XPO5: variants seen among roughly 807,000 people sequenced by gnomAD.
The protein encoded by XPO5 is exportin-5.
In XPO5, 46 loss-of-function variants were observed where a neutral mutation model predicts 160.6. That is an observed-to-expected ratio of 0.29 (90% CI 0.23 to 0.37). The LOEUF (loss-of-function observed/expected upper bound fraction) is 0.37. Ranked by LOEUF, XPO5 falls within the 10% of genes least tolerant of loss-of-function variation. The pLI, the probability that XPO5 is intolerant of heterozygous loss-of-function variation, is 1.00. For synonymous variants in XPO5, 537 were observed against 519.3 expected (o/e 1.03, Z -0.46); for missense variants, 1,090 against 1,463.9 (o/e 0.74, Z 4.17).
chr6:43,548,781 AGAG>A (rs1452680325), intron 17 of XPO5, among the ~76,000 whole-genome samples: 1 of 151,494 alleles, frequency 6.6e-6, no homozygotes, highest in Non-Finnish European at 1.5e-5. Context: ...CTGTGCATTC[AGAG>A]AAGAAATTTC....
intron 7 of XPO5, among the ~76,000 whole-genome samples, chr6:43,565,987 T>C (rs1177498638): frequency 6.6e-6 from 1 of 152,098 alleles, no homozygotes; most frequent in Non-Finnish European, 1.5e-5. Context: ...CCGAGTGCGG[T>C]GGCTCATGCC....
intron 29 of XPO5, 47 bp downstream of exon 29, chr6:43,525,060 A>T (rs749787242): frequency 6.3e-7 from 1 of 1,575,166 alleles, no homozygotes; most frequent in South Asian, 1.2e-5. Context: ...AGTCTGCATG[A>T]CCCAAACCTT....
intron 8 of XPO5, among the ~76,000 whole-genome samples, chr6:43,564,164 C>T (rs1450621512): frequency 6.6e-6 from 1 of 152,106 alleles, no homozygotes; most frequent in African/African-American, 2.4e-5. Context: ...TCAGGTGGTC[C>T]ATCTGCCTTG....
Position 43,528,860 on chromosome 6 carries a change from TGGG to T in XPO5, c.2740_2742del (p.Pro914del), listed in dbSNP as rs1793766532. ...AGGTAGGTGAAAAGAGGTCCGAGGA[TGGG>T]GGATACCAGGGCTTCATAGTGCTCT... On this transcript the variant is annotated inframe_deletion, in exon 24 of 32. Coordinates refer to ENST00000265351, the MANE Select transcript of XPO5 (RefSeq NM_020750.3). 6.2e-7 allele frequency: 1 copy of T among 1,613,724 alleles called. No individual in the cohort carries two copies. Among genetic ancestry groups the T allele is most frequent in the Admixed American group, 1.7e-5 (1 of 59,966 alleles).
chr6:43,555,222 G>C (rs567620949), intron 13 of XPO5: 1 of 152,270 alleles, frequency 6.6e-6, no homozygotes, highest in Non-Finnish European at 1.5e-5. Flanking sequence ...GATTACAAGC[G>C]TGAGTCACTG....
Position 43,547,628 on chromosome 6 carries a change from A to G in XPO5, c.2140T>C (p.Cys714Arg). ...KSCDPGLEDP[C>R]GLNRARMSFC... is the part of the protein sequence containing the mutation. ...CTTACTCGTGCACGGTTTAAGCCAC[A>G]CGGATCCTCCAGGCCTGGGTCACAG... Residue 714 changes from cysteine to arginine, a missense_variant, in exon 19 of 32, where the codon TGT (cysteine) becomes CGT (arginine). Cys to Arg is a radical substitution (Grantham distance 180, BLOSUM62 -3). Around this residue, in one of 3 missense-constraint regions of XPO5, gnomAD observed 810 missense variants for 1,139.0 expected, o/e 0.71. Transcript: ENST00000265351. 6.2e-7 allele frequency: 1 copy of G among 1,614,032 alleles called. No individual in the cohort carries two copies. The highest frequency in any genetic ancestry group is 8.5e-7 in the Non-Finnish European group (1 of 1,179,888).
intron 8 of XPO5, 43 bp from the exon 9 acceptor site, chr6:43,562,389 G>A: frequency 7.1e-7 from 1 of 1,418,260 alleles, no homozygotes; most frequent in Non-Finnish European, 9.8e-7. Context: ...AAATTAAAAA[G>A]GCTGTAATAA....
Position 43,549,874 on chromosome 6 carries a change from G to T in XPO5, c.1770+19C>A, listed in dbSNP as rs1561876596. The T allele has an allele frequency of 6.2e-7, 1 of 1,602,648 alleles. No homozygotes were observed. Among genetic ancestry groups the T allele is most frequent in the East Asian group, 2.2e-5 (1 of 44,778 alleles). ...GTACTCAAGAAGTTAGAATCTATTGGTTTAATTAATGGTCTTACCTTACTT... is the reference window on the plus strand; with the variant it reads ...GTACTCAAGAAGTTAGAATCTATTGTTTTAATTAATGGTCTTACCTTACTT... On this transcript the variant is annotated intron_variant, in intron 16 of 31. Coordinates refer to ENST00000265351, the MANE Select transcript of XPO5 (RefSeq NM_020750.3).
intron 13 of XPO5, chr6:43,553,772 T>A: frequency 2.5e-6 from 1 of 397,148 alleles, no homozygotes; most frequent in Non-Finnish European, 3.9e-6. Context: ...AGCCTTGTAG[T>A]AAAACCATTT....
At chr6:43,541,494 G>GA in intron 20 of XPO5, among the ~76,000 whole-genome samples, 1 of 152,154 alleles carries the variant, frequency 6.6e-6, no homozygotes, top group South Asian at 2.1e-4. Context: ...TACTTTCAAA[G>GA]GGTTGCATAA....
chr6:43,525,315 C>T, intron 28 of XPO5, 101 bp from the exon 29 acceptor site: 1 of 1,128,306 alleles, frequency 8.9e-7, no homozygotes, highest in Non-Finnish European at 1.2e-6. Flanking sequence ...TTTTTCCTCC[C>T]CCCCTCTAAA....
intron 26 of XPO5, 60 bp from the exon 27 acceptor site, chr6:43,526,807 C>T: frequency 1.3e-6 from 2 of 1,563,648 alleles, no homozygotes; most frequent in African/African-American, 1.4e-5. Context: ...ACAACAGCCA[C>T]CTCAGGCCCA....
chr6:43,548,553 C>T (rs1168457058), intron 17 of XPO5, 93 bp from the exon 18 acceptor site: 35 of 1,190,622 alleles, frequency 2.9e-5, no homozygotes, highest in Non-Finnish European at 3.7e-5. Context: ...AAAACCAAAG[C>T]AGTCCCAGGA....
rs753278014 is a variant in XPO5, at chr6:43,555,948, T to C, written c.1329A>G (p.Gln443=). Residue 443 remains glutamine, a synonymous_variant, in exon 13 of 32, where the codon CAA becomes CAG. Coordinates refer to ENST00000265351, the MANE Select transcript of XPO5 (RefSeq NM_020750.3). ...NAFFNSSRAQ[Q]GEVMRLACRL... ...GACATGCCAACCTCATCACCTCTCC[T>C]TGTTGTGCTCGGGAGGCTGCCAAGA... 1.9e-6 allele frequency: 3 copies of C among 1,613,856 alleles called. No individual in the cohort carries two copies. Among genetic ancestry groups the C allele is most frequent in the Non-Finnish European group, 2.5e-6 (3 of 1,179,824 alleles).
chr6:43,548,547 C>A, intron 17 of XPO5, 87 bp from the exon 18 acceptor site: 2 of 1,209,094 alleles, frequency 1.7e-6, no homozygotes, highest in South Asian at 2.0e-5. Context: ...AAGAAGAAAA[C>A]CAAAGCAGTC....
intron 9 of XPO5, 27 bp from the exon 10 acceptor site, chr6:43,561,034 G>C (rs80346004): frequency 6.4e-7 from 1 of 1,562,766 alleles, no homozygotes; most frequent in Non-Finnish European, 8.8e-7. Flanking sequence ...CTATATTAAC[G>C]GTGTTGATCG....
At chr6:43,557,830 C>T (rs915209895) in intron 12 of XPO5, among the ~76,000 whole-genome samples, 2 of 146,980 alleles carry the variant, frequency 1.4e-5, no homozygotes, top group African/African-American at 5.0e-5. Context: ...CGCGGTGGTT[C>T]GCACCTGTAA....
At chr6:43,556,300 G>A (rs1183440136) in intron 12 of XPO5, among the ~76,000 whole-genome samples, 3 of 152,138 alleles carry the variant, frequency 2.0e-5, no homozygotes, top group African/African-American at 7.2e-5. Context: ...AAGGTGGGCA[G>A]ACTGCTTGTG....
rs1206673638 is a variant in XPO5, at chr6:43,567,211, C to A, written c.792G>T (p.Gln264His). Residue 264 changes from glutamine to histidine, a missense_variant, in exon 7 of 32, where the codon CAG becomes CAT. This residue lies in a region of XPO5 where 110 missense variants were observed against 97.9 expected (regional missense o/e 1.12). Transcript: ENST00000265351. ...LCLLLNEQELQLGAAECLLIA... is the reference protein window; with the variant it reads ...LCLLLNEQELHLGAAECLLIA... ...TGAGAAGACACTCAGCGGCTCCCAA[C>A]TGAAGTTCCTGTTCATTCAACAGCA... is the stretch of plus-strand genomic sequence containing the variant. 2.5e-6 allele frequency: 4 copies of A among 1,613,712 alleles called. No homozygotes were observed. The highest frequency in any genetic ancestry group is 1.7e-5 in the Admixed American group (1 of 59,938).
Sources: allele counts gnomAD v4.1 joint callset (sites outside exome capture counted in the v4.1 genomes callset), GRCh38; gene constraint gnomAD v4.1.1; regional missense constraint gnomAD v4.1.1; transcripts MANE v1.5; gene names NCBI Gene and HGNC (gene_info 2026-07-23, HGNC 2026-07-21).